CLIP1: variants seen among roughly 807,000 people sequenced by gnomAD.
The protein encoded by CLIP1 is CAP-Gly domain containing linker protein 1.
CLIP1 carries 66 observed loss-of-function variants against 161.6 expected under a neutral mutation model. The observed-to-expected ratio is 0.41, with a 90% confidence interval of 0.33 to 0.50. CLIP1 has a LOEUF of 0.50. CLIP1 is among the 20% of genes least tolerant of loss of function. The probability of loss-of-function intolerance (pLI) is 0.27; values close to 1 mark genes in which losing one functional copy is unlikely to be tolerated. For missense variants in CLIP1, 1,376 were observed against 1,702.0 expected (o/e 0.81, Z 3.37); for synonymous variants, 598 against 626.2 (o/e 0.96, Z 0.67).
chr12:122,344,096 C>T (rs1952634743), intron 10 of CLIP1: 1 of 152,144 alleles, frequency 6.6e-6, no homozygotes, highest in African/African-American at 2.4e-5. Flanking sequence ...AGACTCCTCT[C>T]CCACACTGCC....
At chr12:122,414,846 G>T (rs562621029) in intron 1 of CLIP1, among the ~76,000 whole-genome samples, 1 of 151,920 alleles carries the variant, frequency 6.6e-6, no homozygotes, top group South Asian at 2.1e-4. Flanking sequence ...TAAAGCATAC[G>T]GATTCTTTGA....
At chr12:122,419,518 G>A (rs1228031712) in intron 1 of CLIP1, among the ~76,000 whole-genome samples, 9 of 152,034 alleles carry the variant, frequency 5.9e-5, no homozygotes, top group Admixed American at 5.9e-4. Context: ...AAGTAATAAC[G>A]AAGAACCAGG....
At chr12:122,381,243 G>C (rs1357805940) in intron 1 of CLIP1, among the ~76,000 whole-genome samples, 1 of 152,062 alleles carries the variant, frequency 6.6e-6, no homozygotes, top group East Asian at 1.9e-4. Context: ...TATTGCTTAA[G>C]TTTTACTACA....
At chr12:122,362,102 C>T (rs1301723567) in intron 4 of CLIP1, among the ~76,000 whole-genome samples, 3 of 151,516 alleles carry the variant, frequency 2.0e-5, no homozygotes, top group South Asian at 2.1e-4. Context: ...TACAGGCACA[C>T]GCCACCCTGC....
rs1209486404 is a variant in CLIP1 at position 122,334,596 on chromosome 12, T to C, written c.2626+52A>G. 2.4e-6 allele frequency: 3 copies of C among 1,235,784 alleles called. No homozygotes were observed. The African/African-American group carries it at 4.5e-5, about 18-fold the overall frequency. The allele number at this position is 1,235,784 out of a possible 1,614,324, so 76.6% of individuals were successfully genotyped here. Reference sequence around the variant, plus strand: ...TGCACTCCACAGGTCAGCTCCAGTATGAAAGAATGATATTTTTTAAAGCAA... The same window carrying C: ...TGCACTCCACAGGTCAGCTCCAGTACGAAAGAATGATATTTTTTAAAGCAA... On this transcript the variant is annotated intron_variant, in intron 13 of 25. Coordinates refer to ENST00000620786, the MANE Select transcript of CLIP1 (RefSeq NM_001247997.2).
chr12:122,355,467 AAGACAGTG>A lies in CLIP1; in HGVS notation c.1006-163_1006-156del. 1 of 625,460 alleles carries A rather than the reference AAGACAGTG, an allele frequency of 1.6e-6. No individual in the cohort carries two copies. Among genetic ancestry groups the A allele is most frequent in the Non-Finnish European group, 2.8e-6 (1 of 352,200 alleles). The allele number at this position is 625,460 out of a possible 1,614,324, so 38.7% of individuals were successfully genotyped here. A position where few individuals can be genotyped will look rare whatever the true frequency, so the allele number is the denominator to read the frequency against. ...TTAGGAAAGGCTTCCTCAAAAACAC[AAGACAGTG>A]TGTGCCTTCTGTCTATAAATCTCAC... is the stretch of plus-strand genomic sequence containing the variant. On this transcript the variant is annotated intron_variant, in intron 5 of 25. Transcript: ENST00000620786. The surrounding 1 kb of genome is among the most constrained non-coding windows in gnomAD (Gnocchi z 4.1).
At chr12:122,401,171 A>G (rs2137079606) in intron 1 of CLIP1, among the ~76,000 whole-genome samples, 1 of 152,090 alleles carries the variant, frequency 6.6e-6, no homozygotes, top group African/African-American at 2.4e-5. Context: ...TTGGCCTCCC[A>G]AAGTGCTGGG....
chr12:122,362,792 GA>G (rs1027850452), intron 4 of CLIP1, among the ~76,000 whole-genome samples: 47 of 139,698 alleles, frequency 3.4e-4, no homozygotes, highest in Middle Eastern at 3.9e-3. Flanking sequence ...GCATTGGAGG[GA>G]AAAAAAAAAA....
chr12:122,293,523 C>T (rs918584545), intron 20 of CLIP1, among the ~76,000 whole-genome samples: 10 of 151,458 alleles, frequency 6.6e-5, no homozygotes, highest in African/African-American at 1.9e-4. Context: ...TTGTTGCCCA[C>T]GCTGGATTGC....
intron 15 of CLIP1, among the ~76,000 whole-genome samples, chr12:122,330,753 C>A (rs901259091): frequency 1.7e-4 from 25 of 149,490 alleles, no homozygotes; most frequent in African/African-American, 6.2e-4. Context: ...GCACCTGCCA[C>A]CACGCTCAGC....
In CLIP1 at chr12:122,333,114, C is replaced by CATCTTTCTCTCTA; in HGVS notation, c.2727_2739dup (p.Glu914Ter). ...GCCTTTATCAGCTGCTCTTCTCTCTCATCTTTCTCTCTAAATTTTGCCTCC... is the reference window on the plus strand; with the variant it reads ...GCCTTTATCAGCTGCTCTTCTCTCTCATCTTTCTCTCTAATCTTTCTCTCTAAATTTTGCCTCC... On this transcript the variant is annotated stop_gained and frameshift_variant, in exon 15 of 26. Transcript: ENST00000620786. LOFTEE classifies it high-confidence loss of function. The CATCTTTCTCTCTA allele has an allele frequency of 6.2e-7, 1 of 1,613,102 alleles. No individual in the cohort carries two copies.
At chr12:122,376,113 T>C (rs537250917) in intron 3 of CLIP1, among the ~76,000 whole-genome samples, 1 of 152,116 alleles carries the variant, frequency 6.6e-6, no homozygotes, top group Non-Finnish European at 1.5e-5. Flanking sequence ...AATTTTTGTA[T>C]TTTTAGTAGA....
chr12:122,345,062 A>AT (rs1291367126), intron 10 of CLIP1, among the ~76,000 whole-genome samples: 4 of 152,156 alleles, frequency 2.6e-5, no homozygotes, highest in East Asian at 3.8e-4. Flanking sequence ...GTTTTAAAAA[A>AT]ATATATTACT....
At chr12:122,289,008 G>T (rs912214992) in intron 20 of CLIP1, among the ~76,000 whole-genome samples, 8 of 150,792 alleles carry the variant, frequency 5.3e-5, no homozygotes, top group Admixed American at 5.3e-4. Flanking sequence ...AGTAGAGACG[G>T]GTTTTCACCG....
rs544015553 is a variant in CLIP1 at position 122,359,814 on chromosome 12, C to G, written c.1005+1145G>C. Among the ~76,000 whole-genome samples, 333 of 152,284 alleles carry G rather than the reference C, an allele frequency of 2.2e-3. 2 individuals are homozygous for G. The highest frequency in any genetic ancestry group is 7.8e-3 in the African/African-American group (326 of 41,562). On this transcript the variant is annotated intron_variant, in intron 5 of 25. Transcript: ENST00000620786. ...TAACCACCTCCTCCCCGCAGCACAA[C>G]GCAACATCCTAGCTCCTGGTCTGCG... is the stretch of plus-strand genomic sequence containing the variant.
At chr12:122,390,319 T>TG (rs1955600901) in intron 1 of CLIP1, among the ~76,000 whole-genome samples, 2 of 135,282 alleles carry the variant, frequency 1.5e-5, no homozygotes, top group African/African-American at 5.4e-5. Context: ...TATATATATA[T>TG]TATTTTTTTT....
At chr12:122,363,941 C>T (rs772657598) in intron 4 of CLIP1, 42 bp downstream of exon 4, 13 of 1,612,828 alleles carry the variant, frequency 8.1e-6, no homozygotes, top group East Asian at 6.7e-5. Context: ...AGCATCGTCA[C>T]GTACAAGAGT....
Position 122,354,573 on chromosome 12 carries a change from T to C in CLIP1, c.1204-17A>G, listed in dbSNP as rs373204337. The C allele has an allele frequency of 1.9e-6, 3 of 1,592,834 alleles. No individual in the cohort carries two copies. The African/African-American group carries it at 4.0e-5, about 21-fold the overall frequency. ...CAGGACATGCTGGGGAAGGCAAGAA[T>C]GTCGGTAAATGGACTATTTCTGACC... On this transcript the variant is annotated splice_polypyrimidine_tract_variant and intron_variant, in intron 6 of 25. Coordinates refer to ENST00000620786, the MANE Select transcript of CLIP1 (RefSeq NM_001247997.2).
chr12:122,355,413 CGCTGCTCCA>C lies in CLIP1; in HGVS notation c.1006-110_1006-102del. Reference sequence around the variant, plus strand: ...GGGCATCTGCTCGGCAAAGCAAGGGCGCTGCTCCAGCTGGCAGGCTGGCCAGGATTAGGA... The same window carrying C: ...GGGCATCTGCTCGGCAAAGCAAGGGCGCTGGCAGGCTGGCCAGGATTAGGA... On this transcript the variant is annotated intron_variant, in intron 5 of 25. Coordinates refer to ENST00000620786, the MANE Select transcript of CLIP1 (RefSeq NM_001247997.2). The surrounding 1 kb of genome is among the most constrained non-coding windows in gnomAD (Gnocchi z 4.1). The C allele has an allele frequency of 9.4e-7, 1 of 1,058,208 alleles. No individual in the cohort carries two copies. The highest frequency in any genetic ancestry group is 2.2e-5 in the Admixed American group (1 of 44,690). The allele number at this position is 1,058,208 out of a possible 1,614,324, so 65.6% of individuals were successfully genotyped here.
Sources: allele counts gnomAD v4.1 joint callset (sites outside exome capture counted in the v4.1 genomes callset), GRCh38; gene constraint gnomAD v4.1.1; non-coding constraint Gnocchi (gnomAD v3.1); transcripts MANE v1.5; gene names NCBI Gene and HGNC (gene_info 2026-07-23, HGNC 2026-07-21).